ZDHHC17: variants seen among roughly 807,000 people sequenced by gnomAD.
The protein encoded by ZDHHC17 is palmitoyltransferase ZDHHC17.
ZDHHC17 carries 40 observed loss-of-function variants against 90.3 expected under a neutral mutation model. That is an observed-to-expected ratio of 0.44 (90% confidence interval 0.34 to 0.58). The LOEUF (loss-of-function observed/expected upper bound fraction) is 0.58. Ranked by LOEUF, ZDHHC17 falls within the 20% of genes least tolerant of loss-of-function variation. ZDHHC17 has a pLI of 0.01. For synonymous variants in ZDHHC17, 235 were observed against 252.4 expected, an observed-to-expected ratio of 0.93 and a Z score of 0.65; for missense variants, 614 against 780.8, an observed-to-expected ratio of 0.79 and a Z score of 2.55.
At chr12:76,780,491 A>G (rs187329703) in intron 1 of ZDHHC17, among the ~76,000 whole-genome samples, 5 of 152,330 alleles carry the variant, frequency 3.3e-5, no homozygotes, top group Non-Finnish European at 5.9e-5. Context: ...ACAAAAGCAA[A>G]ATAAAAAACT....
chr12:76,805,297 A>C lies in ZDHHC17; in HGVS notation c.198-20A>C. On this transcript the variant is annotated intron_variant, in intron 2 of 16. Transcript: ENST00000426126. ...TTTCTTGTTAAATAATAACAATGCC[A>C]TATTTTCTTTCTTTTCTAGATATGG... 1.3e-6 allele frequency: 2 copies of C among 1,569,142 alleles called. No homozygotes were observed. The highest frequency in any genetic ancestry group is 1.7e-6 in the Non-Finnish European group (2 of 1,152,680).
chr12:76,818,314 A>G (rs944157644), intron 7 of ZDHHC17, among the ~76,000 whole-genome samples: 1 of 152,222 alleles, frequency 6.6e-6, no homozygotes, highest in Non-Finnish European at 1.5e-5. Flanking sequence ...CCTCAGAGGC[A>G]TTCCCAACAT....
In ZDHHC17 at chr12:76,770,921, C is replaced by T. The variant is rs374269521; in HGVS notation, c.93+6592C>T. Among the ~76,000 whole-genome samples the T allele has an allele frequency of 3.3e-4, 39 of 117,724 alleles. No individual in the cohort carries two copies. In the East Asian group the frequency reaches 8.4e-3, roughly 25 times the overall value. The allele number at this position is 117,724 out of a possible 152,430, so 77.2% of individuals were successfully genotyped here. A position where few individuals can be genotyped will look rare whatever the true frequency, so the allele number is the denominator to read the frequency against. ...CCTGCCTGGGCAATGAGCAAAACTCCATCTCAAAAAAAAAAAAAAAAAAAA... is the reference window on the plus strand; with the variant it reads ...CCTGCCTGGGCAATGAGCAAAACTCTATCTCAAAAAAAAAAAAAAAAAAAA... On this transcript the variant is annotated intron_variant, in intron 1 of 16. Transcript: ENST00000426126.
intron 5 of ZDHHC17, among the ~76,000 whole-genome samples, chr12:76,811,893 C>G (rs1353641403): frequency 6.6e-6 from 1 of 152,098 alleles, no homozygotes; most frequent in African/African-American, 2.4e-5. Flanking sequence ...AATTTTACCC[C>G]TGACACCTTT....
At chr12:76,787,021 A>G (rs1027070038) in intron 1 of ZDHHC17, among the ~76,000 whole-genome samples, 3 of 152,228 alleles carry the variant, frequency 2.0e-5, no homozygotes, top group East Asian at 1.9e-4. Context: ...TTACATTTAG[A>G]TAATTTACAT....
chr12:76,788,402 C>T (rs1440796002), intron 1 of ZDHHC17, among the ~76,000 whole-genome samples: 2 of 151,892 alleles, frequency 1.3e-5, no homozygotes, highest in Non-Finnish European at 2.9e-5. Context: ...ATAATTGTAG[C>T]AGTATTGAAA....
chr12:76,824,342 G>A (rs188491121), intron 8 of ZDHHC17, among the ~76,000 whole-genome samples: 1 of 151,530 alleles, frequency 6.6e-6, no homozygotes, highest in Non-Finnish European at 1.5e-5. Flanking sequence ...TTTTATAAAG[G>A]TTCCTTTTAA....
chr12:76,789,203 T>C lies in ZDHHC17; in HGVS notation c.94-8231T>C, dbSNP rs371610015. On this transcript the variant is annotated intron_variant, in intron 1 of 16. Transcript: ENST00000426126. ...TTACCCCAGTTAAAATGAAGAAATA[T>C]TAAATGAGTTAAAGAAAATATTTTT... Among the ~76,000 whole-genome samples the C allele has an allele frequency of 5.9e-5, 9 of 152,346 alleles. 1 individual carries two copies. Among genetic ancestry groups the C allele is most frequent in the African/African-American group, 2.2e-4 (9 of 41,584 alleles).
chr12:76,815,806 T>C, intron 6 of ZDHHC17, 51 bp from the exon 7 acceptor site: 1 of 1,438,844 alleles, frequency 7.0e-7, no homozygotes, highest in East Asian at 2.5e-5. Context: ...ATTTCTATAA[T>C]TGAAATTAGG....
chr12:76,833,425 A>G (rs1446607066), intron 10 of ZDHHC17, among the ~76,000 whole-genome samples: 1 of 152,086 alleles, frequency 6.6e-6, no homozygotes, highest in East Asian at 1.9e-4. Context: ...CTTATATTAT[A>G]CTCTGAATAT....
chr12:76,790,634 C>T (rs1007109636), intron 1 of ZDHHC17, among the ~76,000 whole-genome samples: 2 of 152,120 alleles, frequency 1.3e-5, no homozygotes, highest in South Asian at 4.1e-4. Context: ...GAAGTGAAAA[C>T]TGTTATTTAA....
In ZDHHC17 at chr12:76,829,371, T is replaced by C. The variant is rs547443021; in HGVS notation, c.1141+881T>C. On this transcript the variant is annotated intron_variant, in intron 10 of 16. Transcript: ENST00000426126. ...ACTCGGGAGGCTGAGGCAGTAGAAT[T>C]GTTTTAACCCGAGAGGCGGAGGTTG... 1.0e-4 allele frequency among the ~76,000 whole-genome samples: 15 copies of C among 148,154 alleles called. No homozygotes were observed. The East Asian group carries it at 2.8e-3, about 27-fold the overall frequency.
At position 76,842,206 on chromosome 12, in the gene ZDHHC17, TA is replaced by T. The variant is rs1284800530; in HGVS notation, c.1266+103del. 3.2e-6 allele frequency: 4 copies of T among 1,264,366 alleles called. No homozygotes were observed. In the African/African-American group the frequency reaches 6.2e-5, roughly 19 times the overall value. 78.3% of individuals were successfully genotyped at this position (1,264,366 alleles called of 1,614,324 possible). On this transcript the variant is annotated intron_variant, in intron 11 of 16. Transcript: ENST00000426126. Reference sequence around the variant, plus strand: ...GAGGAATTAACTATCGTTTAGAATGTAAAGAAGTTTTAAGCTAAATTGAGAT... The same window carrying T: ...GAGGAATTAACTATCGTTTAGAATGTAAGAAGTTTTAAGCTAAATTGAGAT...
At chr12:76,803,469 C>G (rs1204165848) in intron 2 of ZDHHC17, among the ~76,000 whole-genome samples, 1 of 152,064 alleles carries the variant, frequency 6.6e-6, no homozygotes, top group South Asian at 2.1e-4. Flanking sequence ...CGACTTATAC[C>G]CACATCATAA....
At chr12:76,824,262 A>G (rs1335020119) in intron 8 of ZDHHC17, among the ~76,000 whole-genome samples, 1 of 152,122 alleles carries the variant, frequency 6.6e-6, no homozygotes, top group Non-Finnish European at 1.5e-5. Context: ...TTTGTATACG[A>G]TTGTGGTCAG....
chr12:76,809,983 A>T (rs1953000340), intron 5 of ZDHHC17, 126 bp downstream of exon 5: 1 of 977,482 alleles, frequency 1.0e-6, no homozygotes, highest in Admixed American at 2.8e-5. Context: ...GAAGAACATA[A>T]ATATAGTGAG....
Position 76,809,791 on chromosome 12 carries a change from C to G in ZDHHC17, c.477C>G (p.Ser159Arg). ...CATTAATTGATGGAGAAGGATGTAG[C>G]TGTATTCATCTGGCTGCTCAGTTCG... Reference protein sequence around the residue: ...DPSLIDGEGCSCIHLAAQFGH... With the variant: ...DPSLIDGEGCRCIHLAAQFGH... Residue 159 changes from serine (S) to arginine (R), a missense_variant, in exon 5 of 17, where the codon AGC becomes AGG. Transcript: ENST00000426126. The G allele has an allele frequency of 1.2e-6, 2 of 1,608,740 alleles. No homozygotes were observed. Among genetic ancestry groups the G allele is most frequent in the Non-Finnish European group, 1.7e-6 (2 of 1,177,598 alleles).
intron 8 of ZDHHC17, among the ~76,000 whole-genome samples, chr12:76,825,569 A>G (rs948574260): frequency 6.6e-6 from 1 of 152,134 alleles, no homozygotes; most frequent in African/African-American, 2.4e-5. Context: ...CTGCAGCATA[A>G]AATTAAAGCC....
chr12:76,797,676 C>G (rs934004364), intron 2 of ZDHHC17, 139 bp downstream of exon 2: 37 of 547,720 alleles, frequency 6.8e-5, no homozygotes, highest in Non-Finnish European at 1.1e-4. Context: ...GTTGCGGTGG[C>G]TCACACCTGT....
Sources: gnomAD v4.1 joint callset for allele counts (sites outside exome capture counted in the v4.1 genomes callset) on GRCh38, gnomAD v4.1.1 for gene constraint, MANE v1.5 for transcripts, NCBI Gene and HGNC (gene_info 2026-07-23, HGNC 2026-07-21) for gene names.